IRF2: variants seen among roughly 807,000 people sequenced by gnomAD.
IRF2 encodes interferon regulatory factor 2.
A neutral mutation model predicts 40.6 loss-of-function variants in IRF2; 15 were observed. The observed-to-expected ratio is 0.37, with a 90% CI of 0.25 to 0.57. IRF2 has a LOEUF of 0.57. Among genes scored for constraint, IRF2 ranks in the 20% least tolerant of loss-of-function variants. The probability of loss-of-function intolerance (pLI) is 0.77; values close to 1 mark genes in which losing one functional copy is unlikely to be tolerated. For synonymous variants in IRF2, 151 were observed against 165.5 expected, an observed-to-expected ratio of 0.91 and a Z score of 0.67; for missense variants, 317 against 455.7, an observed-to-expected ratio of 0.70 and a Z score of 2.77.
intron 7 of IRF2, among the ~76,000 whole-genome samples, chr4:184,396,141 A>C (rs1290070556): frequency 6.6e-6 from 1 of 152,266 alleles, no homozygotes; most frequent in Non-Finnish European, 1.5e-5. Context: ...AAATATAAGC[A>C]AAGTGGCTGA....
chr4:184,459,892 C>T (rs969976891), intron 1 of IRF2, among the ~76,000 whole-genome samples: 2 of 152,162 alleles, frequency 1.3e-5, no homozygotes, highest in East Asian at 1.9e-4. Flanking sequence ...AAGCTGGAAC[C>T]GGTGTGCATT....
intron 1 of IRF2, among the ~76,000 whole-genome samples, chr4:184,439,833 G>GCCCCT (rs1319383397): frequency 6.6e-6 from 1 of 152,162 alleles, no homozygotes; most frequent in Non-Finnish European, 1.5e-5. Context: ...CTGACTTGGG[G>GCCCCT]CCCCTATGTG....
intron 1 of IRF2, among the ~76,000 whole-genome samples, chr4:184,447,782 A>C (rs1738566908): frequency 2.6e-5 from 4 of 152,244 alleles, no homozygotes; most frequent in African/African-American, 9.6e-5. Context: ...TCTCTAAGAA[A>C]ATTGCCTTGT....
chr4:184,392,683 C>A (rs775955433), intron 7 of IRF2, among the ~76,000 whole-genome samples: 2 of 152,204 alleles, frequency 1.3e-5, no homozygotes, highest in Non-Finnish European at 2.9e-5. Flanking sequence ...GGCTCTCTAT[C>A]AATTAAAGGC....
At chr4:184,446,124 C>T (rs1459296190) in intron 1 of IRF2, among the ~76,000 whole-genome samples, 1 of 152,204 alleles carries the variant, frequency 6.6e-6, no homozygotes, top group Non-Finnish European at 1.5e-5. Flanking sequence ...CAGATTCCCG[C>T]TCAGGGTCCC....
At chr4:184,399,198 C>T in intron 6 of IRF2, 119 bp from the exon 7 acceptor site, 1 of 1,030,490 alleles carries the variant, frequency 9.7e-7, no homozygotes, top group Non-Finnish European at 1.4e-6. Context: ...ACCATCTGTC[C>T]CCTGCCATGG....
chr4:184,409,111 C>T (rs1293791966), intron 5 of IRF2, among the ~76,000 whole-genome samples: 2 of 152,048 alleles, frequency 1.3e-5, no homozygotes, highest in Non-Finnish European at 2.9e-5. Flanking sequence ...TCTGCTGCTA[C>T]GATAGCAATC....
chr4:184,395,477 A>G (rs1232734450), intron 7 of IRF2, among the ~76,000 whole-genome samples: 1 of 152,082 alleles, frequency 6.6e-6, no homozygotes, highest in East Asian at 1.9e-4. Flanking sequence ...CAGCCCAAAC[A>G]AAGGAACTCC....
chr4:184,472,779 G>A (rs575020773), intron 1 of IRF2, among the ~76,000 whole-genome samples: 2 of 152,292 alleles, frequency 1.3e-5, no homozygotes, highest in South Asian at 4.2e-4. Flanking sequence ...CAGTCCCCGG[G>A]ATCACATCCG....
chr4:184,422,198 A>C (rs1158207881), intron 2 of IRF2, among the ~76,000 whole-genome samples: 7 of 152,114 alleles, frequency 4.6e-5, no homozygotes, highest in Non-Finnish European at 8.8e-5. Flanking sequence ...GTTTTTTTAT[A>C]AATTACCCAG....
intron 5 of IRF2, among the ~76,000 whole-genome samples, chr4:184,411,174 C>T (rs1210160492): frequency 1.3e-5 from 2 of 151,994 alleles, no homozygotes; most frequent in Non-Finnish European, 2.9e-5. Flanking sequence ...TCTCCTGCCT[C>T]AGCCTCCCAA....
chr4:184,457,757 G>A (rs1738996205), intron 1 of IRF2, among the ~76,000 whole-genome samples: 1 of 152,016 alleles, frequency 6.6e-6, no homozygotes, highest in Non-Finnish European at 1.5e-5. Flanking sequence ...CGCTGCAGGT[G>A]CACAGCTGCG....
At chr4:184,420,776 A>G (rs1244547790) in intron 2 of IRF2, among the ~76,000 whole-genome samples, 1 of 152,196 alleles carries the variant, frequency 6.6e-6, no homozygotes, top group African/African-American at 2.4e-5. Context: ...TTCCTCCCAC[A>G]GCCTACTGAG....
intron 1 of IRF2, among the ~76,000 whole-genome samples, chr4:184,446,810 C>G (rs1377876902): frequency 6.6e-6 from 1 of 151,908 alleles, no homozygotes; most frequent in Non-Finnish European, 1.5e-5. Context: ...AAAAAATTAG[C>G]CAGGCGTGGT....
chr4:184,409,651 T>C (rs143491682), intron 5 of IRF2, among the ~76,000 whole-genome samples: 2,638 of 152,268 alleles, frequency 0.017, 42 homozygotes, highest in Non-Finnish European at 0.028. Flanking sequence ...CTCAGCACTT[T>C]GGGAGGCTGA....
At chr4:184,412,499 T>A (rs1737114117) in intron 5 of IRF2, among the ~76,000 whole-genome samples, 1 of 152,150 alleles carries the variant, frequency 6.6e-6, no homozygotes, top group South Asian at 2.1e-4. Flanking sequence ...GCAAAGCCAG[T>A]CTCTTTGAAG....
chr4:184,390,619 G>T, intron 8 of IRF2, 84 bp downstream of exon 8: 1 of 1,277,422 alleles, frequency 7.8e-7, no homozygotes. Flanking sequence ...AAGGAAAGGT[G>T]CATAACCAGC....
At position 184,451,552 on chromosome 4, in the gene IRF2, A is replaced by T. The variant is rs554782647; in HGVS notation, c.-6-22482T>A. On this transcript the variant is annotated intron_variant, in intron 1 of 8. Coordinates refer to ENST00000393593, the MANE Select transcript of IRF2 (RefSeq NM_002199.4). Reference sequence around the variant, plus strand: ...GCCAAAGCTGACTCTAGGTCATCAAACTCCATTATCATGAGAACTGAGGAT... The same window carrying T: ...GCCAAAGCTGACTCTAGGTCATCAATCTCCATTATCATGAGAACTGAGGAT... Among the ~76,000 whole-genome samples the T allele has an allele frequency of 2.0e-5, 3 of 152,258 alleles. No individual in the cohort carries two copies. In the South Asian group the frequency reaches 6.2e-4, roughly 32 times the overall value.
rs532752336 is a variant in IRF2, at chr4:184,421,668, G to A, written c.88-2100C>T. ...ACACAATCTGAAATCTAACTTGCAA[G>A]ACACAAAATTGATACAGATAAAGTA... On this transcript the variant is annotated intron_variant, in intron 2 of 8. Transcript: ENST00000393593. Among the ~76,000 whole-genome samples, 16 of 152,106 alleles carry A rather than the reference G, an allele frequency of 1.1e-4. No homozygotes were observed. The South Asian group carries it at 2.7e-3, about 26-fold the overall frequency.
Sources: allele counts gnomAD v4.1 joint callset (sites outside exome capture counted in the v4.1 genomes callset), GRCh38; gene constraint gnomAD v4.1.1; transcripts MANE v1.5; gene names NCBI Gene and HGNC (gene_info 2026-07-23, HGNC 2026-07-21).